NUP210L: variants seen among roughly 807,000 people sequenced by gnomAD.
NUP210L encodes nuclear pore membrane glycoprotein 210-like.
In NUP210L, 74 loss-of-function variants were observed where a neutral mutation model predicts 208.5. The observed-to-expected ratio is 0.35, with a 90% confidence interval of 0.29 to 0.43. NUP210L has a LOEUF of 0.43. Among genes scored for constraint, NUP210L ranks in the 20% least tolerant of loss-of-function variants. The pLI, the probability that NUP210L is intolerant of heterozygous loss-of-function variation, is 1.00. For synonymous variants in NUP210L, 780 were observed against 816.9 expected (o/e 0.95, Z 0.77); for missense variants, 1,843 against 2,289.4 (o/e 0.81, Z 3.98).
intron 16 of NUP210L, among the ~76,000 whole-genome samples, chr1:154,083,665 GTCTTCTTTTT>G (rs1296758975): frequency 7.2e-5 from 11 of 152,192 alleles, no homozygotes; most frequent in South Asian, 2.1e-4. Flanking sequence ...GGTTACAGAA[GTCTTCTTTTT>G]TCTTCTTCCC....
At chr1:154,048,297 C>T (rs933476535) in intron 25 of NUP210L, among the ~76,000 whole-genome samples, 16 of 152,104 alleles carry the variant, frequency 1.1e-4, no homozygotes, top group African/African-American at 3.9e-4. Context: ...GCTCTCAGTT[C>T]TATTCAGGCA....
intron 20 of NUP210L, 26 bp downstream of exon 20, chr1:154,060,514 A>C (rs778392345): frequency 1.4e-6 from 2 of 1,430,224 alleles, no homozygotes; most frequent in African/African-American, 2.8e-5. Flanking sequence ...TGAGACCATC[A>C]ATCTGGGACT....
exon 10 of NUP210L, chr1:154,126,457 T>C: frequency 6.2e-7 from 1 of 1,607,162 alleles, no homozygotes; most frequent in South Asian, 1.1e-5. Flanking sequence ...TATGTAATCC[T>C]GAGATTCTGA....
chr1:154,070,541 C>A, intron 16 of NUP210L, 76 bp from the exon 17 acceptor site: 1 of 992,530 alleles, frequency 1.0e-6, no homozygotes, highest in Non-Finnish European at 1.4e-6. Context: ...ATCTCTAAAG[C>A]TAGGAATCGA....
chr1:154,125,765 T>G lies in NUP210L; in HGVS notation c.1326+558A>C, dbSNP rs1391544405. Among the ~76,000 whole-genome samples the G allele has an allele frequency of 9.5e-4, 29 of 30,442 alleles. 5 individuals carry two copies. The highest frequency in any genetic ancestry group is 2.9e-3 in the African/African-American group (26 of 8,928). 20.0% of individuals were successfully genotyped at this position (30,442 alleles called of 152,430 possible). On this transcript the variant is annotated intron_variant, in intron 10 of 39. Coordinates refer to ENST00000368559, the Ensembl canonical transcript of NUP210L. ...AGGGAGGGAAATGTTTTTTTTTTTT[T>G]TTTTTTTTTTTTTTTTTTTTGAGAC...
chr1:154,118,828 G>A lies in NUP210L; in HGVS notation c.1327-20C>T, dbSNP rs758876737. ...TTTATTCTATAAGAGCAGGAAAAAA[G>A]GAGCAAAATATATTTATAAGGACTA... On this transcript the variant is annotated intron_variant, in intron 10 of 39. Transcript: ENST00000368559. The A allele has an allele frequency of 1.4e-6, 2 of 1,457,384 alleles. No individual in the cohort carries two copies. Among genetic ancestry groups the A allele is most frequent in the South Asian group, 2.5e-5 (2 of 80,604 alleles). 90.3% of individuals were successfully genotyped at this position (1,457,384 alleles called of 1,614,324 possible).
At chr1:154,042,450 G>A (rs991887333) in intron 27 of NUP210L, among the ~76,000 whole-genome samples, 3 of 149,258 alleles carry the variant, frequency 2.0e-5, no homozygotes, top group African/African-American at 7.4e-5. Context: ...TTGTTGAGAC[G>A]GAGTCTTGCT....
intron 23 of NUP210L, among the ~76,000 whole-genome samples, chr1:154,055,296 G>A (rs866571355): frequency 2.0e-5 from 3 of 150,406 alleles, no homozygotes; most frequent in Non-Finnish European, 4.4e-5. Flanking sequence ...TGTCACCCAG[G>A]CTGGAGTGCA....
At position 154,111,229 on chromosome 1, in the gene NUP210L, G is replaced by GA. The variant is rs1657026312; in HGVS notation, c.1620+6495dup. Among the ~76,000 whole-genome samples, 3 of 150,794 alleles carry GA rather than the reference G, an allele frequency of 2.0e-5. No homozygotes were observed. In the South Asian group the frequency reaches 6.3e-4, roughly 31 times the overall value. On this transcript the variant is annotated intron_variant, in intron 12 of 39. Coordinates refer to ENST00000368559, the Ensembl canonical transcript of NUP210L. ...GAAACCCTATCTGTACTAAAAATAC[G>GA]AAAATTAGCCAGGCGTGGTAGCAGG...
At chr1:153,999,734 CAAAAAAAAAA>C (rs1172554188) in intron 37 of NUP210L, among the ~76,000 whole-genome samples, 1 of 54,594 alleles carries the variant, frequency 1.8e-5, no homozygotes, top group Non-Finnish European at 3.3e-5. Context: ...AAGACTCTCT[CAAAAAAAAAA>C]AAAAAAAAAA....
Position 154,081,996 on chromosome 1 carries a change from T to C in NUP210L, c.2361+7425A>G, listed in dbSNP as rs150775489. Among the ~76,000 whole-genome samples, 335 of 152,172 alleles carry C rather than the reference T, an allele frequency of 2.2e-3. 2 individuals are homozygous for C. Among genetic ancestry groups the C allele is most frequent in the African/African-American group, 6.8e-3 (281 of 41,530 alleles). ...ACCCTGTGTCAAAAAACAAAAAACATTGGACACCAAAACTCAGTGGAATTT... is the reference window on the plus strand; with the variant it reads ...ACCCTGTGTCAAAAAACAAAAAACACTGGACACCAAAACTCAGTGGAATTT... On this transcript the variant is annotated intron_variant, in intron 16 of 39. Coordinates refer to ENST00000368559, the Ensembl canonical transcript of NUP210L.
At chr1:154,068,690 T>A (rs1056147380) in intron 17 of NUP210L, among the ~76,000 whole-genome samples, 1 of 151,846 alleles carries the variant, frequency 6.6e-6, no homozygotes, top group African/African-American at 2.4e-5. Flanking sequence ...ATGGATGAAA[T>A]TGGAAATCAT....
At chr1:154,131,227 G>C (rs1199802627) in intron 7 of NUP210L, among the ~76,000 whole-genome samples, 1 of 150,268 alleles carries the variant, frequency 6.7e-6, no homozygotes, top group Admixed American at 6.7e-5. Context: ...AGCCAAGATG[G>C]CGCCACTGCA....
intron 17 of NUP210L, among the ~76,000 whole-genome samples, chr1:154,066,711 G>A (rs923005278): frequency 3.9e-5 from 6 of 151,976 alleles, no homozygotes; most frequent in Non-Finnish European, 7.4e-5. Context: ...TAATAAAGAA[G>A]AAAAGAGAGA....
At chr1:154,024,922 G>GT (rs71096508) in intron 30 of NUP210L, among the ~76,000 whole-genome samples, 18,007 of 82,372 alleles carry the variant, frequency 0.22, 3,371 homozygotes, top group Non-Finnish European at 0.28. Flanking sequence ...AGGCTGATCT[G>GT]TTTTTTTTTT....
intron 30 of NUP210L, among the ~76,000 whole-genome samples, chr1:154,024,427 A>G (rs1427309853): frequency 2.0e-5 from 3 of 152,174 alleles, no homozygotes; most frequent in Non-Finnish European, 4.4e-5. Context: ...AATGACGAAC[A>G]TAGTATATAG....
intron 15 of NUP210L, among the ~76,000 whole-genome samples, chr1:154,091,842 T>A (rs897102338): frequency 2.0e-5 from 3 of 151,742 alleles, no homozygotes; most frequent in African/African-American, 7.3e-5. Flanking sequence ...TAATCTTATA[T>A]GTACATATTT....
intron 2 of NUP210L, among the ~76,000 whole-genome samples, chr1:154,151,165 G>A (rs1659360793): frequency 6.6e-6 from 1 of 151,818 alleles, no homozygotes; most frequent in Non-Finnish European, 1.5e-5. Context: ...AATCGCATAT[G>A]TGACCAAATC....
chr1:154,022,180 G>A (rs1324813298), exon 32 of NUP210L: 1 of 1,614,104 alleles, frequency 6.2e-7, no homozygotes, highest in Non-Finnish European at 8.5e-7. Flanking sequence ...ACAAAGGTAA[G>A]CTTGGTGTCT....
Sources: allele counts gnomAD v4.1 joint callset (sites outside exome capture counted in the v4.1 genomes callset), GRCh38; gene constraint gnomAD v4.1.1; transcripts MANE v1.5; gene names NCBI Gene and HGNC (gene_info 2026-07-23, HGNC 2026-07-21).